Variants in TMX2 observed in about 807,000 individuals in gnomAD.
The protein encoded by TMX2 is thioredoxin-related transmembrane protein 2.
TMX2 carries 20 observed loss-of-function variants against 33.4 expected under a neutral mutation model. That is an observed-to-expected ratio of 0.60 (90% CI 0.42 to 0.87). The LOEUF is 0.87. Ranked by LOEUF, TMX2 falls within the 40% of genes least tolerant of loss-of-function variation. The probability of loss-of-function intolerance (pLI) is 0.00; values close to 1 mark genes in which losing one functional copy is unlikely to be tolerated. For missense variants in TMX2, 340 were observed against 370.7 expected, an observed-to-expected ratio of 0.92 and a Z score of 0.68; for synonymous variants, 166 against 140.7, an observed-to-expected ratio of 1.18 and a Z score of -1.27.
intron 3 of TMX2, 112 bp from the exon 4 acceptor site, chr11:57,738,242 T>G (rs1258156235): frequency 1.2e-6 from 1 of 838,918 alleles, no homozygotes; most frequent in East Asian, 2.4e-5. Flanking sequence ...GTGGTCTACA[T>G]ATATCCACAA....
At chr11:57,738,895 C>G in intron 5 of TMX2, 79 bp from the exon 6 acceptor site, 2 of 1,545,698 alleles carry the variant, frequency 1.3e-6, no homozygotes, top group Non-Finnish European at 1.8e-6. Flanking sequence ...ATCTCCCTCT[C>G]CCCTCTTAAA....
At chr11:57,735,119 G>A (rs1350443327) in intron 1 of TMX2, among the ~76,000 whole-genome samples, 2 of 152,012 alleles carry the variant, frequency 1.3e-5, no homozygotes, top group African/African-American at 2.4e-5. Flanking sequence ...AACAGAGCAA[G>A]AGTCCGTCTC....
intron 1 of TMX2, among the ~76,000 whole-genome samples, chr11:57,735,783 T>G (rs540627347): frequency 6.6e-6 from 1 of 152,322 alleles, no homozygotes; most frequent in South Asian, 2.1e-4. Flanking sequence ...TTAACCATGA[T>G]CTGAGGTGGA....
chr11:57,721,487 T>C (rs1947630929), intron 1 of TMX2, among the ~76,000 whole-genome samples: 1 of 151,950 alleles, frequency 6.6e-6, no homozygotes, highest in Non-Finnish European at 1.5e-5. Context: ...CAGCTAATTT[T>C]GTATTTTTAG....
intron 1 of TMX2, among the ~76,000 whole-genome samples, chr11:57,730,380 T>C (rs1948289593): frequency 8.6e-6 from 1 of 116,240 alleles, no homozygotes. Flanking sequence ...TGAGCCGAGA[T>C]CACACCATTG....
chr11:57,734,779 TAAATA>T (rs1948637893), intron 1 of TMX2, among the ~76,000 whole-genome samples: 1 of 151,730 alleles, frequency 6.6e-6, no homozygotes. Flanking sequence ...AAAATAAAAA[TAAATA>T]AAATTAATCT....
intron 1 of TMX2, among the ~76,000 whole-genome samples, chr11:57,723,495 T>A: frequency 1.5e-5 from 2 of 133,760 alleles, no homozygotes; most frequent in Non-Finnish European, 1.6e-5. Flanking sequence ...AAAAAAAAAA[T>A]TCATCGCAAA....
intron 1 of TMX2, 49 bp from the exon 2 acceptor site, chr11:57,737,559 T>TTAG (rs748767899): frequency 3.3e-6 from 5 of 1,518,484 alleles, no homozygotes; most frequent in Non-Finnish European, 4.6e-6. Context: ...CCCACCTAAG[T>TTAG]TAGCTCTAGT....
chr11:57,713,989 C>T (rs1946810099), intron 1 of TMX2, among the ~76,000 whole-genome samples: 1 of 152,192 alleles, frequency 6.6e-6, no homozygotes, highest in South Asian at 2.1e-4. Context: ...TTTGACAGGT[C>T]TGGACTTTAG....
chr11:57,731,795 T>G (rs1948426271), intron 1 of TMX2, among the ~76,000 whole-genome samples: 1 of 152,064 alleles, frequency 6.6e-6, no homozygotes, highest in Non-Finnish European at 1.5e-5. Context: ...ACAGCACAAT[T>G]TGTATGTCAT....
intron 7 of TMX2, among the ~76,000 whole-genome samples, 190 bp from the exon 8 acceptor site, chr11:57,739,909 T>G (rs563385898): frequency 1.6e-4 from 24 of 152,296 alleles, no homozygotes; most frequent in African/African-American, 5.5e-4. Context: ...GGCACGGTGA[T>G]TGGCACATAA....
intron 1 of TMX2, among the ~76,000 whole-genome samples, chr11:57,734,684 G>A (rs898828806): frequency 1.3e-5 from 2 of 151,908 alleles, no homozygotes; most frequent in African/African-American, 4.8e-5. Flanking sequence ...GGAGGCAAAG[G>A]TTGCACTGAG....
At chr11:57,733,247 A>ATTTTTT (rs71061537) in intron 1 of TMX2, among the ~76,000 whole-genome samples, 21 of 74,862 alleles carry the variant, frequency 2.8e-4, no homozygotes, top group East Asian at 3.5e-4. Context: ...ACAGTGAGGA[A>ATTTTTT]TTTTTTTTTT....
At chr11:57,733,634 A>T (rs149773922) in intron 1 of TMX2, among the ~76,000 whole-genome samples, 25 of 152,322 alleles carry the variant, frequency 1.6e-4, no homozygotes, top group African/African-American at 6.0e-4. Context: ...AATGGGTAGC[A>T]TATATGAATT....
chr11:57,712,944 C>T (rs1946718747), intron 1 of TMX2, 137 bp downstream of exon 1: 7 of 894,338 alleles, frequency 7.8e-6, no homozygotes, highest in South Asian at 5.0e-5. Flanking sequence ...CTATTAAGTG[C>T]AGGGTCCGAA....
chr11:57,732,623 T>TA (rs1948468452), intron 1 of TMX2, among the ~76,000 whole-genome samples: 1 of 152,236 alleles, frequency 6.6e-6, no homozygotes, highest in Admixed American at 6.5e-5. Context: ...TGCTTAGGGT[T>TA]AATAGCCAAT....
chr11:57,718,445 G>C (rs1193183416), intron 1 of TMX2: 1 of 1,154,588 alleles, frequency 8.7e-7, no homozygotes, highest in African/African-American at 1.5e-5. Context: ...TGTTGTCTTT[G>C]GAACCTTGTC....
At chr11:57,738,331 C>A in intron 3 of TMX2, 23 bp from the exon 4 acceptor site, 1 of 1,555,684 alleles carries the variant, frequency 6.4e-7, no homozygotes, top group Non-Finnish European at 8.9e-7. Flanking sequence ...ATGTTTCCTT[C>A]GACATCTTCT....
chr11:57,726,273 C>T (rs1232390638), intron 1 of TMX2, among the ~76,000 whole-genome samples: 2 of 151,832 alleles, frequency 1.3e-5, no homozygotes, highest in Non-Finnish European at 1.5e-5. Flanking sequence ...ATCAGCCAGG[C>T]GTGGTGGCAT....
Sources: gnomAD v4.1 joint callset for allele counts (sites outside exome capture counted in the v4.1 genomes callset) on GRCh38, gnomAD v4.1.1 for gene constraint, MANE v1.5 for transcripts, NCBI Gene and HGNC (gene_info 2026-07-23, HGNC 2026-07-21) for gene names.